The following SMOC2 variants were observed in gnomAD, a reference collection of about 807,000 sequenced individuals.
The protein encoded by SMOC2 is SPARC-related modular calcium-binding protein 2.
SMOC2 carries 39 observed loss-of-function variants against 61.4 expected under a neutral mutation model. The observed-to-expected ratio is 0.64, with a 90% CI of 0.49 to 0.83. The LOEUF is 0.83. Ranked by LOEUF, SMOC2 falls within the 40% of genes least tolerant of loss-of-function variation. SMOC2 has a pLI of 0.00. For synonymous variants in SMOC2, 247 were observed against 239.9 expected (o/e 1.03, Z -0.27); for missense variants, 556 against 592.9 (o/e 0.94, Z 0.65).
intron 4 of SMOC2, among the ~76,000 whole-genome samples, chr6:168,534,422 G>A (rs1242568189): frequency 6.6e-6 from 1 of 152,348 alleles, no homozygotes; most frequent in East Asian, 1.9e-4. Context: ...AAGAGTGGGA[G>A]GTCCCTGCGT....
At chr6:168,603,029 G>T (rs1420042864) in intron 8 of SMOC2, among the ~76,000 whole-genome samples, 2 of 152,156 alleles carry the variant, frequency 1.3e-5, no homozygotes, top group African/African-American at 2.4e-5. Flanking sequence ...GAAGTGATTG[G>T]ATCATGGGGG....
intron 9 of SMOC2, among the ~76,000 whole-genome samples, chr6:168,629,552 C>T (rs563544532): frequency 3.9e-5 from 6 of 152,324 alleles, no homozygotes; most frequent in South Asian, 2.1e-4. Context: ...GATTACTGTC[C>T]GCAAATCATT....
chr6:168,469,711 C>T (rs1030514156), intron 1 of SMOC2, among the ~76,000 whole-genome samples: 6 of 152,280 alleles, frequency 3.9e-5, no homozygotes, highest in Non-Finnish European at 5.9e-5. Context: ...TGGTCGGAGC[C>T]GATGACTTTT....
At chr6:168,449,143 C>T (rs1781402956) in intron 1 of SMOC2, among the ~76,000 whole-genome samples, 1 of 152,140 alleles carries the variant, frequency 6.6e-6, no homozygotes, top group African/African-American at 2.4e-5. Context: ...CTTCTGTTGT[C>T]TGATTCCCAG....
At chr6:168,454,109 T>C (rs897474680) in intron 1 of SMOC2, among the ~76,000 whole-genome samples, 2 of 152,150 alleles carry the variant, frequency 1.3e-5, no homozygotes, top group Admixed American at 1.3e-4. Flanking sequence ...TATTCATCTC[T>C]CTGTCTCTGT....
At chr6:168,632,048 C>A (rs577742638) in intron 9 of SMOC2, among the ~76,000 whole-genome samples, 43 of 152,322 alleles carry the variant, frequency 2.8e-4, no homozygotes, top group Non-Finnish European at 5.6e-4. Context: ...CCGTTCCCCT[C>A]ACTCAGCATT....
chr6:168,514,143 C>T (rs78933341), intron 2 of SMOC2, among the ~76,000 whole-genome samples: 3,758 of 152,170 alleles, frequency 0.025, 116 homozygotes, highest in African/African-American at 0.068. Context: ...CTAGCCTGCC[C>T]CAACGCTGCA....
intron 7 of SMOC2, among the ~76,000 whole-genome samples, chr6:168,582,384 G>A (rs922397405): frequency 3.9e-5 from 6 of 152,178 alleles, no homozygotes; most frequent in East Asian, 1.9e-4. Context: ...GTGTGAGTGC[G>A]TGTGTGAGCA....
rs1055078306 is a variant in SMOC2 at position 168,477,753 on chromosome 6, C to T, written c.85-32162C>T. The stretch of plus-strand genomic sequence containing the variant: ...GGAGGTGGGGAAAGTACTTTGGATG[C>T]GGTGCTCTAAAGAACCATCCCCTAA... On this transcript the variant is annotated intron_variant, in intron 1 of 12. Coordinates refer to ENST00000356284, the MANE Select transcript of SMOC2 (RefSeq NM_001166412.2). Among the ~76,000 whole-genome samples, 4 of 152,210 alleles carry T rather than the reference C, an allele frequency of 2.6e-5. No homozygotes were observed. In the East Asian group the frequency reaches 5.8e-4, roughly 22 times the overall value.
chr6:168,664,855 C>T (rs1787620296), intron 12 of SMOC2: 2 of 468,572 alleles, frequency 4.3e-6, no homozygotes, highest in Non-Finnish European at 4.4e-6. Flanking sequence ...GACAAAATCC[C>T]CACTTCTTTG....
intron 7 of SMOC2, among the ~76,000 whole-genome samples, chr6:168,590,754 AAG>A (rs1430056573): frequency 2.6e-5 from 4 of 152,224 alleles, no homozygotes; most frequent in African/African-American, 7.2e-5. Context: ...ATAATTATTT[AAG>A]AGTTTTTTTA....
chr6:168,543,576 T>C (rs758348760), intron 4 of SMOC2, 49 bp from the exon 5 acceptor site: 1 of 1,543,138 alleles, frequency 6.5e-7, no homozygotes, highest in East Asian at 2.3e-5. Flanking sequence ...GTGATGGCCA[T>C]TTAAGAGTCC....
At chr6:168,454,185 C>A (rs960556782) in intron 1 of SMOC2, among the ~76,000 whole-genome samples, 1 of 152,156 alleles carries the variant, frequency 6.6e-6, no homozygotes, top group Admixed American at 6.5e-5. Flanking sequence ...TGTGACTCTG[C>A]CCTGTGGCCG....
chr6:168,495,114 C>A (rs1318198111), intron 1 of SMOC2, among the ~76,000 whole-genome samples: 1 of 152,250 alleles, frequency 6.6e-6, no homozygotes, highest in Non-Finnish European at 1.5e-5. Context: ...AGGACACAGA[C>A]ACCTCCTGGC....
intron 4 of SMOC2, among the ~76,000 whole-genome samples, chr6:168,542,497 G>T (rs911754900): frequency 6.6e-6 from 1 of 152,154 alleles, no homozygotes; most frequent in Non-Finnish European, 1.5e-5. Context: ...CAGGGAAACC[G>T]CTGAGAACAT....
intron 8 of SMOC2, among the ~76,000 whole-genome samples, chr6:168,600,698 T>C (rs918786030): frequency 2.6e-5 from 4 of 152,324 alleles, no homozygotes; most frequent in Non-Finnish European, 4.4e-5. Context: ...CAGCATTTCA[T>C]AAAGTGAAAG....
At chr6:168,585,674 G>C (rs1379201930) in intron 7 of SMOC2, among the ~76,000 whole-genome samples, 1 of 152,206 alleles carries the variant, frequency 6.6e-6, no homozygotes. Context: ...TGTGGGGTGG[G>C]GTTTCTGGTT....
At chr6:168,530,220 G>T (rs1004958126) in intron 4 of SMOC2, among the ~76,000 whole-genome samples, 1 of 152,242 alleles carries the variant, frequency 6.6e-6, no homozygotes, top group East Asian at 1.9e-4. Flanking sequence ...CAGCCACAGC[G>T]GAGGGAAACG....
intron 2 of SMOC2, among the ~76,000 whole-genome samples, chr6:168,510,885 G>T (rs907354497): frequency 7.2e-5 from 11 of 152,158 alleles, no homozygotes; most frequent in Admixed American, 7.2e-4. Context: ...ATTTTGCCTT[G>T]TTCTTTAGGC....
Sources: allele counts gnomAD v4.1 joint callset (sites outside exome capture counted in the v4.1 genomes callset), GRCh38; gene constraint gnomAD v4.1.1; transcripts MANE v1.5; gene names NCBI Gene and HGNC (gene_info 2026-07-23, HGNC 2026-07-21).